AK5: variants seen among roughly 807,000 people sequenced by gnomAD.
The protein encoded by AK5 is adenylate kinase 5.
AK5 carries 27 observed loss-of-function variants against 69.5 expected under a neutral mutation model. That is an observed-to-expected ratio of 0.39 (90% CI 0.29 to 0.54). The LOEUF is 0.54. AK5 is among the 20% of genes least tolerant of loss of function. The pLI is 0.71. For missense variants in AK5, 531 were observed against 700.4 expected (o/e 0.76, Z 2.73); for synonymous variants, 260 against 244.4 (o/e 1.06, Z -0.60).
chr1:77,520,751 A>G (rs2100317254), intron 11 of AK5, among the ~76,000 whole-genome samples: 1 of 151,972 alleles, frequency 6.6e-6, no homozygotes, highest in East Asian at 1.9e-4. Context: ...ATCTTCGCTG[A>G]CTCTTCATTA....
chr1:77,296,818 A>G (rs1338057893), intron 3 of AK5, among the ~76,000 whole-genome samples: 1 of 152,236 alleles, frequency 6.6e-6, no homozygotes, highest in Non-Finnish European at 1.5e-5. Flanking sequence ...TTTGCATATG[A>G]CAAAGAGATA....
At chr1:77,293,089 G>C (rs538919629) in intron 2 of AK5, among the ~76,000 whole-genome samples, 1 of 152,136 alleles carries the variant, frequency 6.6e-6, no homozygotes, top group African/African-American at 2.4e-5. Context: ...TAATCAAGTA[G>C]ATTAAAAATA....
At chr1:77,307,204 T>G (rs1220459443) in intron 5 of AK5, among the ~76,000 whole-genome samples, 2 of 151,864 alleles carry the variant, frequency 1.3e-5, no homozygotes, top group African/African-American at 4.8e-5. Flanking sequence ...TTATTTGAAG[T>G]CTTTCCTGTT....
chr1:77,390,933 G>A (rs544227283), intron 6 of AK5, among the ~76,000 whole-genome samples: 1 of 152,294 alleles, frequency 6.6e-6, no homozygotes, highest in Admixed American at 6.5e-5. Context: ...TAAGGAAGCT[G>A]TAGAAAGATT....
chr1:77,557,303 G>T, intron 13 of AK5: 1 of 211,500 alleles, frequency 4.7e-6, no homozygotes. Flanking sequence ...TCAAGAGTTG[G>T]GCAGAAGCTC....
At position 77,287,135 on chromosome 1, in the gene AK5, A is replaced by G. The variant is rs1406035374; in HGVS notation, c.247+8A>G. On this transcript the variant is annotated splice_region_variant and intron_variant, in intron 2 of 13. Coordinates refer to ENST00000354567, the MANE Select transcript of AK5 (RefSeq NM_174858.3). The stretch of plus-strand genomic sequence containing the variant: ...GATCCTTTCTAAGAAATGGTAATGT[A>G]TATGGAGAATAATAGACAGTTTTAT... The G allele has an allele frequency of 2.6e-6, 4 of 1,523,050 alleles. No homozygotes were observed. The highest frequency in any genetic ancestry group is 2.6e-5 in the South Asian group (2 of 76,566). 94.3% of individuals were successfully genotyped at this position (1,523,050 alleles called of 1,614,324 possible). A position where few individuals can be genotyped will look rare whatever the true frequency, so the allele number is the denominator to read the frequency against.
rs201833265 is a variant in AK5 at position 77,499,556 on chromosome 1, T to C, written c.1147+13204T>C. 1.7e-4 allele frequency among the ~76,000 whole-genome samples: 26 copies of C among 152,194 alleles called. No individual in the cohort carries two copies. The East Asian group carries it at 4.1e-3, about 24-fold the overall frequency. On this transcript the variant is annotated intron_variant, in intron 10 of 13. Coordinates refer to ENST00000354567, the MANE Select transcript of AK5 (RefSeq NM_174858.3). ...GCGTATGACCCTGTTTGGACTATTG[T>C]AGTCAATGCAGGGAAAGCTGGTGGG...
chr1:77,352,621 G>A (rs1386255528), intron 6 of AK5, among the ~76,000 whole-genome samples: 1 of 152,188 alleles, frequency 6.6e-6, no homozygotes, highest in Non-Finnish European at 1.5e-5. Context: ...CTGTTAAAAG[G>A]TGAACTGAGG....
At chr1:77,384,196 C>T (rs1173796338) in intron 6 of AK5, among the ~76,000 whole-genome samples, 4 of 152,086 alleles carry the variant, frequency 2.6e-5, no homozygotes, top group African/African-American at 9.7e-5. Flanking sequence ...CTCACAACTA[C>T]TTAAATTATC....
chr1:77,372,180 C>CA (rs35478846), intron 6 of AK5, among the ~76,000 whole-genome samples: 35,185 of 149,276 alleles, frequency 0.24, 4,802 homozygotes, highest in Non-Finnish European at 0.3. Context: ...AGATTTAAAA[C>CA]AAAAAAAAAA....
At chr1:77,531,420 T>C (rs182585192) in intron 12 of AK5, among the ~76,000 whole-genome samples, 2 of 152,198 alleles carry the variant, frequency 1.3e-5, no homozygotes, top group Non-Finnish European at 2.9e-5. Flanking sequence ...TGCTGATTGG[T>C]GCGTTTACAA....
At chr1:77,296,770 A>T (rs1392463250) in intron 3 of AK5, among the ~76,000 whole-genome samples, 2 of 152,202 alleles carry the variant, frequency 1.3e-5, no homozygotes, top group East Asian at 1.9e-4. Flanking sequence ...GATTTAAAAA[A>T]TAATCTCATA....
intron 10 of AK5, among the ~76,000 whole-genome samples, chr1:77,492,735 G>C (rs934093288): frequency 1.3e-5 from 2 of 152,192 alleles, no homozygotes; most frequent in Non-Finnish European, 2.9e-5. Flanking sequence ...TAGTGCAAGG[G>C]ATAACTAAAA....
At chr1:77,512,297 A>G (rs1657396065) in intron 10 of AK5, among the ~76,000 whole-genome samples, 1 of 152,142 alleles carries the variant, frequency 6.6e-6, no homozygotes, top group Non-Finnish European at 1.5e-5. Context: ...GTATATCTTA[A>G]GTACCTGCAA....
intron 8 of AK5, among the ~76,000 whole-genome samples, chr1:77,439,459 TA>T (rs554125886): frequency 6.6e-6 from 1 of 152,246 alleles, no homozygotes; most frequent in South Asian, 2.1e-4. Context: ...TTATTAACTA[TA>T]GTCACCCTAC....
intron 1 of AK5, chr1:77,283,601 A>G (rs1310132865): frequency 1.0e-6 from 1 of 985,348 alleles, no homozygotes; most frequent in African/African-American, 1.7e-5. Context: ...ATCTGAAGTC[A>G]AGATTTCCAG....
At chr1:77,505,048 A>G (rs1194366698) in intron 10 of AK5, among the ~76,000 whole-genome samples, 6 of 152,188 alleles carry the variant, frequency 3.9e-5, no homozygotes, top group Non-Finnish European at 8.8e-5. Context: ...AGATTTGTTT[A>G]CTTATATTGC....
At position 77,535,458 on chromosome 1, in the gene AK5, G is replaced by A. The variant is rs999780540; in HGVS notation, c.1429-389G>A. 5.3e-5 allele frequency among the ~76,000 whole-genome samples: 8 copies of A among 152,234 alleles called. No homozygotes were observed. The East Asian group carries it at 9.7e-4, about 18-fold the overall frequency. ...ATGCCACCTGTGGCTGTTATATCAC[G>A]GTGGCTTGAAGGAGAAGTGATTAGC... On this transcript the variant is annotated intron_variant, in intron 12 of 13. Coordinates refer to ENST00000354567, the MANE Select transcript of AK5 (RefSeq NM_174858.3).
At chr1:77,461,033 AT>A (rs76222124) in intron 8 of AK5, among the ~76,000 whole-genome samples, 7,915 of 135,178 alleles carry the variant, frequency 0.059, 293 homozygotes, top group South Asian at 0.16. Flanking sequence ...TGTATGTGAA[AT>A]TTTTTTTTTT....
Sources: gnomAD v4.1 joint callset for allele counts (sites outside exome capture counted in the v4.1 genomes callset) on GRCh38, gnomAD v4.1.1 for gene constraint, MANE v1.5 for transcripts, NCBI Gene and HGNC (gene_info 2026-07-23, HGNC 2026-07-21) for gene names.